Variants in ARHGAP24 observed in about 807,000 individuals in gnomAD.
The protein encoded by ARHGAP24 is Rho GTPase activating protein 24.
Under a neutral mutation model 76.4 loss-of-function variants are expected in ARHGAP24, and 50 were observed. The observed-to-expected ratio is 0.65, with a 90% CI of 0.52 to 0.83. The LOEUF is 0.83. ARHGAP24 is among the 40% of genes least tolerant of loss of function. ARHGAP24 has a pLI of 0.00. For synonymous variants in ARHGAP24, 345 were observed against 323.3 expected, an observed-to-expected ratio of 1.07 and a Z score of -0.72; for missense variants, 930 against 914.2, an observed-to-expected ratio of 1.02 and a Z score of -0.22.
At chr4:85,523,002 A>G (rs112526303) in intron 1 of ARHGAP24, among the ~76,000 whole-genome samples, 1,569 of 152,306 alleles carry the variant, frequency 0.01, 14 homozygotes, top group East Asian at 0.019. Context: ...ATGCCAGACC[A>G]GCTGGTCATT....
intron 1 of ARHGAP24, among the ~76,000 whole-genome samples, chr4:85,485,622 T>C (rs548224607): frequency 6.6e-6 from 1 of 151,754 alleles, no homozygotes; most frequent in Non-Finnish European, 1.5e-5. Context: ...CACTTAGTTT[T>C]TCTAGACTTC....
At chr4:85,507,273 GTGC>G (rs1724092924) in intron 1 of ARHGAP24, among the ~76,000 whole-genome samples, 1 of 152,002 alleles carries the variant, frequency 6.6e-6, no homozygotes, top group Non-Finnish European at 1.5e-5. Flanking sequence ...CCAGGCTGGA[GTGC>G]AGTGGTGCGA....
intron 4 of ARHGAP24, among the ~76,000 whole-genome samples, chr4:85,935,137 A>G (rs985880698): frequency 6.6e-6 from 1 of 152,204 alleles, no homozygotes; most frequent in African/African-American, 2.4e-5. Context: ...AATCACATTT[A>G]TGAAAATGGA....
At chr4:85,917,630 C>T (rs935603171) in intron 3 of ARHGAP24, among the ~76,000 whole-genome samples, 5 of 152,028 alleles carry the variant, frequency 3.3e-5, no homozygotes, top group Non-Finnish European at 5.9e-5. Context: ...TGGTATCTCA[C>T]TGTGGTTTTG....
chr4:85,653,598 T>C (rs12647949), intron 2 of ARHGAP24, among the ~76,000 whole-genome samples: 55,105 of 151,776 alleles, frequency 0.36, 11,092 homozygotes, highest in East Asian at 0.84. Context: ...CTCAGCCTCC[T>C]GAGTAGCTGG....
chr4:85,556,407 G>T (rs1014109828), intron 1 of ARHGAP24, among the ~76,000 whole-genome samples: 5 of 152,124 alleles, frequency 3.3e-5, no homozygotes, highest in African/African-American at 1.2e-4. Context: ...GTGGGGTGTG[G>T]GAGCTCGCTG....
intron 1 of ARHGAP24, among the ~76,000 whole-genome samples, chr4:85,508,913 C>T (rs1350614156): frequency 2.0e-5 from 3 of 152,048 alleles, no homozygotes; most frequent in Non-Finnish European, 2.9e-5. Flanking sequence ...GACATTTCCT[C>T]CTCTCTCCCT....
rs552442461 is a variant in ARHGAP24, at chr4:85,532,293, T to C, written c.-20-38229T>C. Among the ~76,000 whole-genome samples the C allele has an allele frequency of 1.6e-4, 25 of 152,246 alleles. No homozygotes were observed. In the South Asian group the frequency reaches 2.9e-3, roughly 18 times the overall value. ...ATTACTCTAGATGGCTTAAATGTAG[T>C]GACTTCAAGGAATGAATTCCTTATC... On this transcript the variant is annotated intron_variant, in intron 1 of 9. Coordinates refer to ENST00000395184, the MANE Select transcript of ARHGAP24 (RefSeq NM_001025616.3).
intron 3 of ARHGAP24, among the ~76,000 whole-genome samples, chr4:85,863,184 T>C (rs184928333): frequency 1.0e-3 from 156 of 152,192 alleles, no homozygotes; most frequent in African/African-American, 3.7e-3. Context: ...TTTTTTTAAC[T>C]TAGGCACCTT....
At chr4:85,535,918 A>G (rs896669036) in intron 1 of ARHGAP24, among the ~76,000 whole-genome samples, 3 of 152,134 alleles carry the variant, frequency 2.0e-5, no homozygotes, top group South Asian at 4.1e-4. Flanking sequence ...CTGAATGTCA[A>G]AAACATGAGG....
rs1282793502 is a variant in ARHGAP24 at position 85,663,649 on chromosome 4, G to C, written c.181-58236G>C. On this transcript the variant is annotated intron_variant, in intron 2 of 9. Transcript: ENST00000395184. ...TTGCCCATTCAGTATGATATTGGCT[G>C]TGGGTTTGTCATAGATAGCTCTTAT... 4.0e-4 allele frequency among the ~76,000 whole-genome samples: 61 copies of C among 151,318 alleles called. 1 individual carries two copies. The highest frequency in any genetic ancestry group is 3.5e-4 in the Non-Finnish European group (24 of 67,930).
Position 86,000,981 on chromosome 4 carries a change from C to A in ARHGAP24, c.*259C>A. 1 of 515,210 alleles carries A rather than the reference C, an allele frequency of 1.9e-6. No homozygotes were observed. The highest frequency in any genetic ancestry group is 5.2e-4 in the Middle Eastern group (1 of 1,940). 31.9% of individuals were successfully genotyped at this position (515,210 alleles called of 1,614,324 possible). A position where few individuals can be genotyped will look rare whatever the true frequency, so the allele number is the denominator to read the frequency against. On this transcript the variant is annotated 3_prime_UTR_variant, in exon 10 of 10. Coordinates refer to ENST00000395184, the MANE Select transcript of ARHGAP24 (RefSeq NM_001025616.3). ...TCAAAAGTAAACTAAAAATGAGAAG[C>A]ATATTTCAAGAATTATTTTATTGCA...
At chr4:85,668,561 A>T (rs1722718091) in intron 2 of ARHGAP24, among the ~76,000 whole-genome samples, 1 of 152,222 alleles carries the variant, frequency 6.6e-6, no homozygotes, top group Admixed American at 6.5e-5. Flanking sequence ...TTAGTAGAAG[A>T]AGAAACCTTT....
At chr4:85,986,173 ATTC>A (rs1407690374) in intron 8 of ARHGAP24, among the ~76,000 whole-genome samples, 2 of 152,078 alleles carry the variant, frequency 1.3e-5, no homozygotes, top group African/African-American at 4.8e-5. Flanking sequence ...CCTTACCATT[ATTC>A]TTCTTCTTGC....
intron 2 of ARHGAP24, among the ~76,000 whole-genome samples, chr4:85,646,720 G>A (rs1721736259): frequency 6.6e-6 from 1 of 151,958 alleles, no homozygotes. Flanking sequence ...TACTAGGTTA[G>A]TTTCTGCAAA....
intron 3 of ARHGAP24, among the ~76,000 whole-genome samples, chr4:85,730,005 G>A (rs188736032): frequency 4.6e-5 from 7 of 152,272 alleles, no homozygotes; most frequent in Admixed American, 4.6e-4. Context: ...GAGACAGCCT[G>A]TCTCCCCAGG....
chr4:85,985,338 G>A (rs2148863412), intron 8 of ARHGAP24, among the ~76,000 whole-genome samples: 1 of 152,234 alleles, frequency 6.6e-6, no homozygotes, highest in East Asian at 1.9e-4. Context: ...GCAGGGACAT[G>A]GGTGGAGCTG....
chr4:85,698,847 C>T (rs967868674), intron 2 of ARHGAP24, among the ~76,000 whole-genome samples: 2 of 152,106 alleles, frequency 1.3e-5, no homozygotes, highest in Non-Finnish European at 2.9e-5. Flanking sequence ...TGGGGCTGGG[C>T]AGGAAGTGTT....
At chr4:85,662,119 T>G (rs1198167180) in intron 2 of ARHGAP24, among the ~76,000 whole-genome samples, 1 of 152,198 alleles carries the variant, frequency 6.6e-6, no homozygotes, top group Non-Finnish European at 1.5e-5. Context: ...TTGAACTAGT[T>G]TACAGTCCCA....
Sources: allele counts gnomAD v4.1 joint callset (sites outside exome capture counted in the v4.1 genomes callset), GRCh38; gene constraint gnomAD v4.1.1; transcripts MANE v1.5; gene names NCBI Gene and HGNC (gene_info 2026-07-23, HGNC 2026-07-21).